PRKN: variants seen among roughly 807,000 people sequenced by gnomAD.
PRKN encodes the protein E3 ubiquitin-protein ligase parkin.
In PRKN, 56 loss-of-function variants were observed where a neutral mutation model predicts 59.5. The observed-to-expected ratio is 0.94, with a 90% CI of 0.76 to 1.18. The LOEUF (loss-of-function observed/expected upper bound fraction) is 1.18, where lower values mean the gene tolerates loss of function less well. Among genes scored for constraint, PRKN ranks in the 50% most tolerant of loss-of-function variants. The pLI, the probability that PRKN is intolerant of heterozygous loss-of-function variation, is 0.00. For synonymous variants in PRKN, 250 were observed against 222.1 expected (o/e 1.13, Z -1.12); for missense variants, 657 against 596.4 (o/e 1.10, Z -1.06).
rs534060238 is a variant in PRKN, at chr6:162,727,705, G to A, written c.-37C>T. 10 of 1,561,064 alleles carry A rather than the reference G, an allele frequency of 6.4e-6. No homozygotes were observed. The highest frequency in any genetic ancestry group is 1.2e-5 in the South Asian group (1 of 84,896). On this transcript the variant is annotated 5_prime_UTR_variant, in exon 1 of 12. Transcript: ENST00000366898. Reference sequence around the variant, plus strand: ...AGGTGGCGGCTGCGGGCCAGGAACAGGCCCATGCGCGCAGCGGCGCCAGCC... The same window carrying A: ...AGGTGGCGGCTGCGGGCCAGGAACAAGCCCATGCGCGCAGCGGCGCCAGCC...
intron 1 of PRKN, among the ~76,000 whole-genome samples, chr6:162,605,567 T>G (rs1252818360): frequency 6.6e-6 from 1 of 152,160 alleles, no homozygotes; most frequent in Non-Finnish European, 1.5e-5. Flanking sequence ...TAAGTGATTT[T>G]TAATAGGTTG....
chr6:161,412,586 C>A (rs1338702569), intron 9 of PRKN, among the ~76,000 whole-genome samples: 1 of 150,086 alleles, frequency 6.7e-6, no homozygotes, highest in Non-Finnish European at 1.5e-5. Flanking sequence ...CATTCCTCCG[C>A]TCACTCAGTC....
chr6:162,166,386 G>A (rs770053310), intron 4 of PRKN, among the ~76,000 whole-genome samples: 7 of 152,182 alleles, frequency 4.6e-5, no homozygotes, highest in Admixed American at 6.5e-5. Context: ...GCTGGGTGGA[G>A]GGCTTGGAAC....
At chr6:161,494,175 A>G (rs1002146472) in intron 9 of PRKN, among the ~76,000 whole-genome samples, 1 of 151,970 alleles carries the variant, frequency 6.6e-6, no homozygotes, top group Admixed American at 6.5e-5. Flanking sequence ...TTTAAAAAAT[A>G]AAAAATAAAT....
chr6:162,391,961 G>A (rs1456975451), intron 2 of PRKN, among the ~76,000 whole-genome samples: 1 of 152,090 alleles, frequency 6.6e-6, no homozygotes, highest in Non-Finnish European at 1.5e-5. Flanking sequence ...TGGATTTTAG[G>A]TAGTCTGTAT....
chr6:161,574,939 C>A (rs1048612613), intron 7 of PRKN, among the ~76,000 whole-genome samples: 1 of 152,126 alleles, frequency 6.6e-6, no homozygotes, highest in Non-Finnish European at 1.5e-5. Context: ...TCCCTCTTTT[C>A]TTGTCCTGGA....
At chr6:162,331,444 A>G (rs1345554171) in intron 2 of PRKN, among the ~76,000 whole-genome samples, 2 of 152,202 alleles carry the variant, frequency 1.3e-5, no homozygotes, top group Non-Finnish European at 2.9e-5. Context: ...TCATTCTTTC[A>G]TGCTGTAAAC....
chr6:161,823,609 T>A (rs1011222068), intron 6 of PRKN, among the ~76,000 whole-genome samples: 2 of 150,418 alleles, frequency 1.3e-5, no homozygotes, highest in South Asian at 4.1e-4. Context: ...TATTACAGAT[T>A]TGCTTTAAGA....
intron 7 of PRKN, among the ~76,000 whole-genome samples, chr6:161,636,103 T>G (rs899393382): frequency 2.0e-5 from 3 of 152,162 alleles, no homozygotes; most frequent in South Asian, 4.1e-4. Flanking sequence ...CAGGCCGTTG[T>G]GCTGAGGGCA....
At chr6:162,159,224 A>G (rs1214687904) in intron 4 of PRKN, among the ~76,000 whole-genome samples, 7 of 152,194 alleles carry the variant, frequency 4.6e-5, no homozygotes, top group African/African-American at 1.7e-4. Context: ...TATCTATGAG[A>G]ATCACACAGA....
intron 7 of PRKN, among the ~76,000 whole-genome samples, chr6:161,623,051 T>C (rs985641507): frequency 1.3e-5 from 2 of 152,224 alleles, no homozygotes; most frequent in African/African-American, 4.8e-5. Context: ...TTACAATAGA[T>C]TGCATGAGCC....
chr6:162,112,465 A>G (rs1441107053), intron 4 of PRKN, among the ~76,000 whole-genome samples: 1 of 152,172 alleles, frequency 6.6e-6, no homozygotes. Context: ...AAGTCACAAA[A>G]GAATTGAAGT....
At chr6:162,661,764 A>G (rs1177537919) in intron 1 of PRKN, among the ~76,000 whole-genome samples, 1 of 152,198 alleles carries the variant, frequency 6.6e-6, no homozygotes, top group Non-Finnish European at 1.5e-5. Context: ...CTTGAAGCAG[A>G]AAAAAAGGCA....
chr6:161,870,267 C>G (rs1339367850), intron 6 of PRKN, among the ~76,000 whole-genome samples: 1 of 149,592 alleles, frequency 6.7e-6, no homozygotes, highest in African/African-American at 2.5e-5. Context: ...ATGACAAAAT[C>G]AGAAGCCCCC....
chr6:162,479,324 C>G (rs1384274119), intron 1 of PRKN, among the ~76,000 whole-genome samples: 3 of 151,800 alleles, frequency 2.0e-5, no homozygotes, highest in Non-Finnish European at 4.4e-5. Context: ...ATCCCAGGTT[C>G]AGGAGATTCT....
intron 1 of PRKN, among the ~76,000 whole-genome samples, chr6:162,673,956 G>T (rs1260157822): frequency 6.6e-6 from 1 of 152,150 alleles, no homozygotes; most frequent in Non-Finnish European, 1.5e-5. Context: ...AGAAATCAAT[G>T]ACTTTTTCTG....
intron 2 of PRKN, among the ~76,000 whole-genome samples, chr6:162,414,233 A>T (rs909810722): frequency 1.3e-5 from 2 of 152,128 alleles, no homozygotes; most frequent in Admixed American, 1.3e-4. Flanking sequence ...GCTTTAGGAA[A>T]TGCACAGAAC....
At chr6:162,473,815 C>G (rs1791874713) in intron 1 of PRKN, among the ~76,000 whole-genome samples, 1 of 152,120 alleles carries the variant, frequency 6.6e-6, no homozygotes, top group African/African-American at 2.4e-5. Flanking sequence ...GGAAAGAGCA[C>G]AGTTTGCACT....
chr6:162,199,854 T>C (rs1288559713), intron 4 of PRKN, among the ~76,000 whole-genome samples: 5 of 152,086 alleles, frequency 3.3e-5, no homozygotes, highest in African/African-American at 1.2e-4. Context: ...TCTTTTGAGT[T>C]CTTTCACAGG....
Sources: gnomAD v4.1 joint callset for allele counts (sites outside exome capture counted in the v4.1 genomes callset) on GRCh38, gnomAD v4.1.1 for gene constraint, MANE v1.5 for transcripts, NCBI Gene and HGNC (gene_info 2026-07-23, HGNC 2026-07-21) for gene names.